The following KCNAB1 variants were observed in gnomAD, a reference collection of about 807,000 sequenced individuals.
The protein encoded by KCNAB1 is potassium voltage-gated channel subfamily A regulatory beta subunit 1, also known as voltage-gated potassium channel subunit beta-1.
KCNAB1 carries 35 observed loss-of-function variants against 64.6 expected under a neutral mutation model. The ratio of observed to expected loss-of-function variants is 0.54; its 90% confidence interval spans 0.41 to 0.72. KCNAB1 has a LOEUF of 0.72. Among genes scored for constraint, KCNAB1 ranks in the 30% least tolerant of loss-of-function variants. The pLI is 0.00. For missense variants in KCNAB1, 401 were observed against 512.9 expected, an observed-to-expected ratio of 0.78 and a Z score of 2.11; for synonymous variants, 177 against 183.8, an observed-to-expected ratio of 0.96 and a Z score of 0.30.
At chr3:156,315,116 G>A (rs1004118611) in intron 1 of KCNAB1, among the ~76,000 whole-genome samples, 1 of 152,212 alleles carries the variant, frequency 6.6e-6, no homozygotes, top group African/African-American at 2.4e-5. Context: ...TAGGACAATT[G>A]CATTACCAAA....
chr3:156,317,209 G>A (rs1722328962), intron 1 of KCNAB1, among the ~76,000 whole-genome samples: 1 of 152,138 alleles, frequency 6.6e-6, no homozygotes, highest in Non-Finnish European at 1.5e-5. Flanking sequence ...TTAGAAATAC[G>A]ATTCTAGACA....
chr3:156,273,523 C>T (rs748910097), intron 1 of KCNAB1: 4 of 452,648 alleles, frequency 8.8e-6, no homozygotes, highest in Non-Finnish European at 1.8e-5. Context: ...CACAGTTTTA[C>T]AATTGCTGCA....
chr3:156,379,931 G>A (rs963557625), intron 1 of KCNAB1, among the ~76,000 whole-genome samples: 1 of 152,144 alleles, frequency 6.6e-6, no homozygotes, highest in Non-Finnish European at 1.5e-5. Flanking sequence ...ACCATGCGGT[G>A]GATGTAGTGT....
chr3:156,348,639 T>C (rs566447860), intron 1 of KCNAB1, among the ~76,000 whole-genome samples: 1 of 152,300 alleles, frequency 6.6e-6, no homozygotes, highest in East Asian at 1.9e-4. Flanking sequence ...GACAGTTCTG[T>C]ACCTGTGTCT....
chr3:156,217,612 A>G (rs1188874758), intron 1 of KCNAB1, among the ~76,000 whole-genome samples: 2 of 152,248 alleles, frequency 1.3e-5, no homozygotes, highest in Non-Finnish European at 2.9e-5. Context: ...TAGAGACTAT[A>G]GAGCTTATTT....
intron 2 of KCNAB1, among the ~76,000 whole-genome samples, chr3:156,439,758 A>C (rs1012524132): frequency 6.6e-6 from 1 of 152,218 alleles, no homozygotes; most frequent in African/African-American, 2.4e-5. Context: ...TCCCACAGCC[A>C]GGGCCCCTGG....
At chr3:156,169,558 G>T (rs2108322943) in intron 1 of KCNAB1, among the ~76,000 whole-genome samples, 1 of 152,248 alleles carries the variant, frequency 6.6e-6, no homozygotes, top group Middle Eastern at 3.4e-3. Flanking sequence ...TTGGCTCTTT[G>T]TCCCCACCCA....
At chr3:156,238,431 A>AG (rs1716981651) in intron 1 of KCNAB1, among the ~76,000 whole-genome samples, 1 of 151,812 alleles carries the variant, frequency 6.6e-6, no homozygotes, top group Admixed American at 6.6e-5. Context: ...CAAAAAAAAA[A>AG]AAAAAAAAAA....
At chr3:156,166,530 T>TACACACACACAC (rs57754528) in intron 1 of KCNAB1, among the ~76,000 whole-genome samples, 1 of 148,806 alleles carries the variant, frequency 6.7e-6, no homozygotes, top group South Asian at 2.1e-4. Context: ...AATACATATA[T>TACACACACACAC]ACACACACAC....
chr3:156,492,362 C>T (rs1715690795), intron 8 of KCNAB1, among the ~76,000 whole-genome samples: 3 of 152,102 alleles, frequency 2.0e-5, no homozygotes, highest in South Asian at 4.1e-4. Context: ...TTAACCAAAA[C>T]AATAAGACAC....
chr3:156,247,812 A>G (rs1576642930), intron 1 of KCNAB1, among the ~76,000 whole-genome samples: 1 of 151,858 alleles, frequency 6.6e-6, no homozygotes, highest in African/African-American at 2.4e-5. Flanking sequence ...TGATCTGCCC[A>G]CCTCCGCCTC....
chr3:156,134,849 G>A (rs951693589), intron 1 of KCNAB1, among the ~76,000 whole-genome samples: 1 of 152,124 alleles, frequency 6.6e-6, no homozygotes, highest in African/African-American at 2.4e-5. Context: ...GACACACTGA[G>A]GGCTTTTCAG....
At chr3:156,520,372 G>A (rs1313728682) in intron 11 of KCNAB1, among the ~76,000 whole-genome samples, 2 of 152,086 alleles carry the variant, frequency 1.3e-5, no homozygotes, top group African/African-American at 4.8e-5. Flanking sequence ...CTTGAGCCCA[G>A]GAGTTTGAGA....
chr3:156,217,392 T>G (rs554972992), intron 1 of KCNAB1, among the ~76,000 whole-genome samples: 9 of 152,334 alleles, frequency 5.9e-5, no homozygotes, highest in African/African-American at 2.2e-4. Flanking sequence ...TTTTGAGACA[T>G]GCAATCAGGA....
intron 1 of KCNAB1, among the ~76,000 whole-genome samples, chr3:156,414,474 G>C (rs1714913850): frequency 6.6e-6 from 1 of 152,172 alleles, no homozygotes; most frequent in Admixed American, 6.5e-5. Flanking sequence ...TGTAAATGGT[G>C]AGCGTAAATG....
intron 2 of KCNAB1, among the ~76,000 whole-genome samples, chr3:156,422,948 G>T (rs576376484): frequency 1.3e-5 from 2 of 152,312 alleles, no homozygotes; most frequent in South Asian, 4.1e-4. Flanking sequence ...GGAGGATGGA[G>T]TGACCAATCC....
At chr3:156,402,631 T>C (rs1713985646) in intron 1 of KCNAB1, among the ~76,000 whole-genome samples, 1 of 152,214 alleles carries the variant, frequency 6.6e-6, no homozygotes, top group South Asian at 2.1e-4. Flanking sequence ...TGCTGGGATT[T>C]CCTTATCTGA....
At chr3:156,397,435 A>G (rs1713543641) in intron 1 of KCNAB1, among the ~76,000 whole-genome samples, 1 of 152,202 alleles carries the variant, frequency 6.6e-6, no homozygotes, top group Non-Finnish European at 1.5e-5. Context: ...TTTAGTATAT[A>G]CTAACTGGAA....
rs145854299 is a variant in KCNAB1, at chr3:156,422,752, G to A, written c.319+1093G>A. Among the ~76,000 whole-genome samples the A allele has an allele frequency of 6.2e-3, 951 of 152,302 alleles. 5 individuals are homozygous for A. Among genetic ancestry groups the A allele is most frequent in the Admixed American group, 0.016 (240 of 15,302 alleles). ...GTTTAAGCCCGGATCCTGGATGAGA[G>A]CACTAAGGGTGTGCTTATAGACAGA... On this transcript the variant is annotated intron_variant, in intron 2 of 13. Transcript: ENST00000490337.
Sources: gnomAD v4.1 joint callset for allele counts (sites outside exome capture counted in the v4.1 genomes callset) on GRCh38, gnomAD v4.1.1 for gene constraint, MANE v1.5 for transcripts, NCBI Gene and HGNC (gene_info 2026-07-23, HGNC 2026-07-21) for gene names.